Variants in SLC25A24 observed in about 807,000 individuals in gnomAD.
The protein encoded by SLC25A24 is solute carrier family 25 member 24, also known as mitochondrial adenyl nucleotide antiporter SLC25A24.
In SLC25A24, 49 loss-of-function variants were observed where a neutral mutation model predicts 60.7. That is an observed-to-expected ratio of 0.81 (90% CI 0.64 to 1.02). The LOEUF (loss-of-function observed/expected upper bound fraction) is 1.02, where lower values mean the gene tolerates loss of function less well. SLC25A24 is among the 50% of genes least tolerant of loss of function. The pLI is 0.00. For synonymous variants in SLC25A24, 202 were observed against 200.6 expected (o/e 1.01, Z -0.06); for missense variants, 564 against 586.3 (o/e 0.96, Z 0.39).
At chr1:108,196,187 A>T (rs187238575) in intron 1 of SLC25A24, among the ~76,000 whole-genome samples, 7 of 152,252 alleles carry the variant, frequency 4.6e-5, no homozygotes, top group East Asian at 3.9e-4. Context: ...AGACAGAATT[A>T]AAAAAATCAT....
intron 1 of SLC25A24, among the ~76,000 whole-genome samples, chr1:108,187,101 A>C (rs1648153773): frequency 6.6e-6 from 1 of 152,060 alleles, no homozygotes; most frequent in Non-Finnish European, 1.5e-5. Flanking sequence ...AATTAAAAAA[A>C]TAATGCCACA....
intron 3 of SLC25A24, among the ~76,000 whole-genome samples, chr1:108,170,935 T>A (rs9325363): frequency 1.3e-5 from 2 of 151,746 alleles, no homozygotes; most frequent in East Asian, 1.9e-4. Context: ...GGATAAGAAC[T>A]CTATTTAGGC....
At position 108,148,344 on chromosome 1, in the gene SLC25A24, A is replaced by G. The variant is rs372482540; in HGVS notation, c.865T>C (p.Phe289Leu). ...LTEEGQKIGT[F>L]ERFISGSMAG... ...ATGGAACCAGAAATAAATCTCTCAAATGTTCCTATTTTTTGTCCTTCTTCA... is the reference window on the plus strand; with the variant it reads ...ATGGAACCAGAAATAAATCTCTCAAGTGTTCCTATTTTTTGTCCTTCTTCA... The change falls in exon 7 of 10, where the codon TTT becomes CTT. Residue 289 changes from phenylalanine (F) to leucine (L), a missense_variant. By Grantham distance (22) the Phe-to-Leu change is conservative (BLOSUM62 0). Coordinates refer to ENST00000565488, the MANE Select transcript of SLC25A24 (RefSeq NM_013386.5). 49 of 1,613,018 alleles carry G rather than the reference A, an allele frequency of 3.0e-5. No individual in the cohort carries two copies. The East Asian group carries it at 8.0e-4, about 26-fold the overall frequency.
chr1:108,199,603 G>C, intron 1 of SLC25A24: 4 of 407,326 alleles, frequency 9.8e-6, no homozygotes, highest in African/African-American at 2.1e-5. Context: ...AAGTCTGACA[G>C]CTAAAACGGA....
intron 3 of SLC25A24, among the ~76,000 whole-genome samples, chr1:108,178,152 C>T (rs1420995649): frequency 6.9e-6 from 1 of 145,356 alleles, no homozygotes; most frequent in Non-Finnish European, 1.5e-5. Context: ...CAGAGTGAGA[C>T]TCCGTCTCAA....
rs57513025 is a variant in SLC25A24 at position 108,187,927 on chromosome 1, G to GATATATAT, written c.184-1981_184-1974dup. Among the ~76,000 whole-genome samples the GATATATAT allele has an allele frequency of 9.2e-3, 883 of 95,776 alleles. 44 individuals are homozygous for GATATATAT. Among genetic ancestry groups the GATATATAT allele is most frequent in the East Asian group, 0.042 (116 of 2,736 alleles). 62.8% of individuals were successfully genotyped at this position (95,776 alleles called of 152,430 possible). ...TACACGAAATGGATAAGACATTATA[G>GATATATAT]ATATATATATATATATATTCATGCA... On this transcript the variant is annotated intron_variant, in intron 1 of 9. Coordinates refer to ENST00000565488, the MANE Select transcript of SLC25A24 (RefSeq NM_013386.5).
chr1:108,189,873 AT>A (rs1325699105), intron 1 of SLC25A24, among the ~76,000 whole-genome samples: 22 of 135,772 alleles, frequency 1.6e-4, no homozygotes, highest in African/African-American at 6.0e-4. Flanking sequence ...ATTAAAAAAT[AT>A]ATATATATAT....
At chr1:108,187,922 TTATAGATATATA>T (rs1204480967) in intron 1 of SLC25A24, among the ~76,000 whole-genome samples, 3 of 51,044 alleles carry the variant, frequency 5.9e-5, no homozygotes, top group African/African-American at 2.6e-4. Flanking sequence ...GGATAAGACA[TTATAGATATATA>T]TATATATATA....
intron 1 of SLC25A24, among the ~76,000 whole-genome samples, chr1:108,195,791 G>A (rs1648476403): frequency 6.6e-6 from 1 of 152,132 alleles, no homozygotes; most frequent in Non-Finnish European, 1.5e-5. Context: ...TAGAGGCCAG[G>A]AATTCAAGAC....
intron 4 of SLC25A24, among the ~76,000 whole-genome samples, chr1:108,160,173 G>A (rs1220633399): frequency 5.5e-4 from 83 of 151,848 alleles, no homozygotes; most frequent in Non-Finnish European, 7.4e-4. Context: ...GGCGGCTGCC[G>A]GGCGGAGGGT....
At chr1:108,187,611 T>C (rs1464203292) in intron 1 of SLC25A24, among the ~76,000 whole-genome samples, 2 of 152,100 alleles carry the variant, frequency 1.3e-5, no homozygotes, top group Non-Finnish European at 2.9e-5. Flanking sequence ...GATAGCCCTA[T>C]ACTCAGATTT....
At chr1:108,154,359 C>A (rs1412360507) in intron 6 of SLC25A24, among the ~76,000 whole-genome samples, 1 of 152,122 alleles carries the variant, frequency 6.6e-6, no homozygotes, top group African/African-American at 2.4e-5. Context: ...CTAAAACTTA[C>A]CTCTGTATTT....
In SLC25A24 at chr1:108,139,222, AAAG is replaced by A. The variant is rs752087075; in HGVS notation, c.1099-17_1099-15del. ...GGACTTCAAGAGCTGCCAGAGAAAT[AAAG>A]AAGAAAATAATTAACGAACTCTACA... On this transcript the variant is annotated splice_polypyrimidine_tract_variant and intron_variant, in intron 8 of 9. Transcript: ENST00000565488. 1.3e-6 allele frequency: 2 copies of A among 1,581,282 alleles called. No individual in the cohort carries two copies. Among genetic ancestry groups the A allele is most frequent in the Non-Finnish European group, 1.7e-6 (2 of 1,166,812 alleles).
At chr1:108,160,860 G>C (rs1019453020) in intron 4 of SLC25A24, among the ~76,000 whole-genome samples, 13 of 152,206 alleles carry the variant, frequency 8.5e-5, no homozygotes, top group Admixed American at 8.5e-4. Context: ...TGAGGCAGGA[G>C]AATCAGGCAG....
chr1:108,164,640 C>T (rs1013406876), intron 3 of SLC25A24, among the ~76,000 whole-genome samples: 2 of 149,342 alleles, frequency 1.3e-5, no homozygotes, highest in African/African-American at 4.9e-5. Flanking sequence ...GTGGTGATAT[C>T]CCCTTTATCA....
chr1:108,159,255 T>C (rs1390519429), intron 4 of SLC25A24, among the ~76,000 whole-genome samples: 2 of 152,160 alleles, frequency 1.3e-5, no homozygotes, highest in Admixed American at 1.3e-4. Flanking sequence ...GAGATAAACA[T>C]AATCTGACCA....
chr1:108,153,162 G>C (rs1166063613), intron 6 of SLC25A24, among the ~76,000 whole-genome samples: 1 of 152,078 alleles, frequency 6.6e-6, no homozygotes, highest in Admixed American at 6.5e-5. Context: ...GAAACCACAA[G>C]AACACTACCC....
intron 9 of SLC25A24, among the ~76,000 whole-genome samples, chr1:108,138,455 A>T (rs1236520042): frequency 6.6e-6 from 1 of 152,220 alleles, no homozygotes; most frequent in Non-Finnish European, 1.5e-5. Flanking sequence ...TAGAGTGGGG[A>T]TAGCAATAAA....
intron 9 of SLC25A24, among the ~76,000 whole-genome samples, chr1:108,138,202 C>T (rs1266682653): frequency 6.6e-6 from 1 of 152,184 alleles, no homozygotes; most frequent in African/African-American, 2.4e-5. Context: ...GGCGGGGCCA[C>T]ACCTGACTTG....
Sources: gnomAD v4.1 joint callset for allele counts (sites outside exome capture counted in the v4.1 genomes callset) on GRCh38, gnomAD v4.1.1 for gene constraint, MANE v1.5 for transcripts, NCBI Gene and HGNC (gene_info 2026-07-23, HGNC 2026-07-21) for gene names.